The following TFAP2B variants were observed in gnomAD, a reference collection of about 807,000 sequenced individuals.
TFAP2B encodes the protein transcription factor AP-2 beta, also known as transcription factor AP-2-beta.
In TFAP2B, 9 loss-of-function variants were observed where a neutral mutation model predicts 44.3. The observed-to-expected ratio is 0.20, with a 90% CI of 0.12 to 0.35. The LOEUF (loss-of-function observed/expected upper bound fraction) is 0.35, where lower values mean the gene tolerates loss of function less well. Among genes scored for constraint, TFAP2B ranks in the 10% least tolerant of loss-of-function variants. TFAP2B has a pLI of 1.00. For missense variants in TFAP2B, 509 were observed against 600.0 expected (o/e 0.85, Z 1.59); for synonymous variants, 270 against 263.8 (o/e 1.02, Z -0.23).
At chr6:50,837,357 T>TTAA (rs1168218620) in intron 4 of TFAP2B, among the ~76,000 whole-genome samples, 28 of 152,202 alleles carry the variant, frequency 1.8e-4, no homozygotes, top group African/African-American at 6.3e-4. Flanking sequence ...CCCCTGAACA[T>TTAA]TAAGCCTGTA....
chr6:50,830,453 G>A, intron 3 of TFAP2B: 1 of 293,564 alleles, frequency 3.4e-6, no homozygotes, highest in Non-Finnish European at 5.1e-6. Flanking sequence ...AAGAAAAAGA[G>A]AATAATGACT....
chr6:50,842,391 C>T (rs527413098), intron 6 of TFAP2B, among the ~76,000 whole-genome samples: 15 of 152,346 alleles, frequency 9.8e-5, no homozygotes, highest in African/African-American at 3.6e-4. Flanking sequence ...AGTGTCTTAA[C>T]AGCCTACCTT....
intron 1 of TFAP2B, among the ~76,000 whole-genome samples, chr6:50,820,009 G>A (rs190648675): frequency 3.2e-4 from 49 of 152,308 alleles, no homozygotes; most frequent in African/African-American, 1.1e-3. Flanking sequence ...GGAAGGGAAG[G>A]TTCTGCTGAG....
At chr6:50,829,159 A>T (rs908823423) in intron 3 of TFAP2B, among the ~76,000 whole-genome samples, 2 of 151,656 alleles carry the variant, frequency 1.3e-5, no homozygotes, top group East Asian at 1.9e-4. Flanking sequence ...TTATTTATTT[A>T]TTTTTTCATT....
intron 1 of TFAP2B, among the ~76,000 whole-genome samples, chr6:50,819,559 C>T (rs995748464): frequency 1.3e-5 from 2 of 152,214 alleles, no homozygotes; most frequent in Non-Finnish European, 2.9e-5. Context: ...TGTTTTGCTT[C>T]CTTGAGGGTC....
At chr6:50,827,084 C>G (rs1419964085) in intron 2 of TFAP2B, among the ~76,000 whole-genome samples, 2 of 152,130 alleles carry the variant, frequency 1.3e-5, no homozygotes, top group African/African-American at 4.8e-5. Context: ...GCTGATGAGG[C>G]GTTTATACAT....
At chr6:50,842,999 C>T in intron 6 of TFAP2B, 93 bp from the exon 7 acceptor site, 3 of 1,539,808 alleles carry the variant, frequency 1.9e-6, no homozygotes, top group South Asian at 2.2e-5. Flanking sequence ...TTCGGTGACC[C>T]GGCGCCTCTG....
intron 3 of TFAP2B, among the ~76,000 whole-genome samples, chr6:50,834,460 C>T (rs1762579991): frequency 6.6e-6 from 1 of 152,178 alleles, no homozygotes; most frequent in African/African-American, 2.4e-5. Flanking sequence ...GTCTCCTCAT[C>T]CACTCTTGTA....
Position 50,843,484 on chromosome 6 carries a change from T to C in TFAP2B, c.*92T>C. On this transcript the variant is annotated 3_prime_UTR_variant, in exon 7 of 7. Coordinates refer to ENST00000393655, the MANE Select transcript of TFAP2B (RefSeq NM_003221.4). ...TTAGCTTTAAAATATTGGATTGGCT[T>C]TGGAAGAATTATATTAGGTAGAATA... 7.5e-7 allele frequency: 1 copy of C among 1,335,984 alleles called. No homozygotes were observed. Among genetic ancestry groups the C allele is most frequent in the Non-Finnish European group, 1.0e-6 (1 of 967,986 alleles). 82.8% of individuals were successfully genotyped at this position (1,335,984 alleles called of 1,614,324 possible). A position where few individuals can be genotyped will look rare whatever the true frequency, so the allele number is the denominator to read the frequency against.
At position 50,836,116 on chromosome 6, in the gene TFAP2B, G is replaced by C. The variant is rs963513478; in HGVS notation, c.657G>C (p.Leu219=). 3.7e-6 allele frequency: 6 copies of C among 1,613,978 alleles called. No individual in the cohort carries two copies. In the Admixed American group the frequency reaches 5.0e-5, roughly 13 times the overall value. Residue 219 remains leucine, a synonymous_variant, in exon 4 of 7, where the codon CTG becomes CTC. Transcript: ENST00000393655. ...TAATGATGAATAAAGACGGCTTCCTGGGAGGCATGTCTGTCAACACCGGCG... is the reference window on the plus strand; with the variant it reads ...TAATGATGAATAAAGACGGCTTCCTCGGAGGCATGTCTGTCAACACCGGCG... ...TSLMMNKDGF[L]GGMSVNTGEV...
intron 3 of TFAP2B, among the ~76,000 whole-genome samples, chr6:50,834,830 G>A (rs1762587609): frequency 6.6e-6 from 1 of 152,088 alleles, no homozygotes; most frequent in Admixed American, 6.5e-5. Context: ...ACTGGTGATC[G>A]ACAAATACCA....
chr6:50,830,346 T>G (rs2113940730), intron 3 of TFAP2B: 1 of 978,292 alleles, frequency 1.0e-6, no homozygotes, highest in East Asian at 1.1e-4. Context: ...AAAACAGAGC[T>G]GAAGATTTTC....
rs775459792 is a variant in TFAP2B, at chr6:50,836,094, T to C, written c.635T>C (p.Met212Thr). ...CCTCCCAAATCGGTGACTTCTCTAATGATGAATAAAGACGGCTTCCTGGGA... is the reference window on the plus strand; with the variant it reads ...CCTCCCAAATCGGTGACTTCTCTAACGATGAATAAAGACGGCTTCCTGGGA... ...PVPPKSVTSL[M>T]MNKDGFLGGM... The change falls in exon 4 of 7, where the codon ATG becomes ACG. Residue 212 changes from methionine to threonine, a missense_variant. Met to Thr is a moderately conservative substitution (Grantham distance 81). Coordinates refer to ENST00000393655, the MANE Select transcript of TFAP2B (RefSeq NM_003221.4). The C allele has an allele frequency of 1.9e-6, 3 of 1,614,150 alleles. No individual in the cohort carries two copies. Among genetic ancestry groups the C allele is most frequent in the South Asian group, 1.1e-5 (1 of 91,076 alleles).
At chr6:50,839,315 T>C (rs1762679566) in intron 5 of TFAP2B, among the ~76,000 whole-genome samples, 1 of 152,212 alleles carries the variant, frequency 6.6e-6, no homozygotes, top group African/African-American at 2.4e-5. Context: ...GCCTGAAGTC[T>C]TTTGTTGTTA....
At chr6:50,823,380 T>C (rs909313324) in intron 1 of TFAP2B, 27 bp from the exon 2 acceptor site, 3 of 1,552,854 alleles carry the variant, frequency 1.9e-6, no homozygotes, top group Admixed American at 1.9e-5. Context: ...TCTCTGGCTC[T>C]CTTCCCCTTC....
chr6:50,819,615 T>G (rs1465321442), intron 1 of TFAP2B, among the ~76,000 whole-genome samples: 1 of 152,168 alleles, frequency 6.6e-6, no homozygotes, highest in Non-Finnish European at 1.5e-5. Context: ...GTGGGCATCT[T>G]TCACGGAAAT....
In TFAP2B at chr6:50,818,872, G is replaced by A. The variant is rs1341869060; in HGVS notation, c.-20G>A. ...CAGACAGCGGAGTCCTGAGAAGCCA[G>A]ACATCTGCTCCTCACATGAATGCAC... is the stretch of plus-strand genomic sequence containing the variant. On this transcript the variant is annotated 5_prime_UTR_variant, in exon 1 of 7. Transcript: ENST00000393655. 6.2e-7 allele frequency: 1 copy of A among 1,611,198 alleles called. No individual in the cohort carries two copies. Among genetic ancestry groups the A allele is most frequent in the African/African-American group, 1.3e-5 (1 of 74,822 alleles).
At chr6:50,837,066 TTGTC>T (rs1481908916) in intron 4 of TFAP2B, among the ~76,000 whole-genome samples, 3 of 152,216 alleles carry the variant, frequency 2.0e-5, no homozygotes, top group East Asian at 3.9e-4. Context: ...GAAAGTGACT[TTGTC>T]TGAGACAAAA....
At chr6:50,827,586 C>G (rs981349274) in intron 2 of TFAP2B, among the ~76,000 whole-genome samples, 1 of 152,198 alleles carries the variant, frequency 6.6e-6, no homozygotes, top group Non-Finnish European at 1.5e-5. Flanking sequence ...TCCTCACTCT[C>G]AAGCCCTTTG....
Sources: gnomAD v4.1 joint callset for allele counts (sites outside exome capture counted in the v4.1 genomes callset) on GRCh38, gnomAD v4.1.1 for gene constraint, MANE v1.5 for transcripts, NCBI Gene and HGNC (gene_info 2026-07-23, HGNC 2026-07-21) for gene names.